The following CNKSR3 variants were observed in gnomAD, a reference collection of about 807,000 sequenced individuals.
CNKSR3 encodes the protein CNKSR family member 3.
In CNKSR3, 36 loss-of-function variants were observed where a neutral mutation model predicts 67.7. The ratio of observed to expected loss-of-function variants is 0.53; its 90% confidence interval spans 0.41 to 0.70. CNKSR3 has a LOEUF of 0.70. Among genes scored for constraint, CNKSR3 ranks in the 30% least tolerant of loss-of-function variants. The pLI is 0.00. For missense variants in CNKSR3, 630 were observed against 695.2 expected, an observed-to-expected ratio of 0.91 and a Z score of 1.05; for synonymous variants, 281 against 271.4, an observed-to-expected ratio of 1.04 and a Z score of -0.35.
chr6:154,446,944 A>G (rs1257420170), intron 2 of CNKSR3, among the ~76,000 whole-genome samples: 1 of 151,882 alleles, frequency 6.6e-6, no homozygotes, highest in Admixed American at 6.6e-5. Context: ...AGCTGGGACT[A>G]CAGGCACCCG....
intron 1 of CNKSR3, among the ~76,000 whole-genome samples, chr6:154,504,180 G>A (rs561313179): frequency 3.6e-4 from 55 of 152,256 alleles, no homozygotes; most frequent in Middle Eastern, 3.4e-3. Context: ...AGGAAATATG[G>A]CTCAAACTAA....
Position 154,439,931 on chromosome 6 carries a change from G to A in CNKSR3, c.507+1361C>T, listed in dbSNP as rs141976703. On this transcript the variant is annotated intron_variant, in intron 4 of 12. Transcript: ENST00000607772. ...AATCAAAATATGAGGAAAATATTAC[G>A]GGAAGAGGGAAGCAAGGGAGAAAAT... Among the ~76,000 whole-genome samples the A allele has an allele frequency of 4.3e-3, 651 of 152,216 alleles. 4 individuals carry two copies. Among genetic ancestry groups the A allele is most frequent in the African/African-American group, 0.015 (612 of 41,536 alleles).
intron 1 of CNKSR3, among the ~76,000 whole-genome samples, chr6:154,505,554 G>A (rs1159835844): frequency 2.7e-5 from 4 of 149,356 alleles, no homozygotes; most frequent in Non-Finnish European, 5.9e-5. Context: ...CTGGAGTGCA[G>A]TGGCACGATC....
At chr6:154,453,887 A>C (rs898733099) in intron 1 of CNKSR3, among the ~76,000 whole-genome samples, 1 of 152,182 alleles carries the variant, frequency 6.6e-6, no homozygotes, top group South Asian at 2.1e-4. Flanking sequence ...AGCAGGACCA[A>C]GAGAAACACA....
chr6:154,481,942 T>C (rs1231981362), intron 1 of CNKSR3, among the ~76,000 whole-genome samples: 1 of 152,196 alleles, frequency 6.6e-6, no homozygotes, highest in African/African-American at 2.4e-5. Flanking sequence ...GTTCTACCAA[T>C]CTGTCATCAA....
chr6:154,430,689 G>A (rs1785347901), intron 5 of CNKSR3, 98 bp from the exon 6 acceptor site: 2 of 1,169,180 alleles, frequency 1.7e-6, no homozygotes, highest in African/African-American at 1.5e-5. Context: ...ATAATTGTTA[G>A]TTCTGGTTGG....
rs1383573044 is a variant in CNKSR3 at position 154,399,991 on chromosome 6, T to A, written c.*6363A>T. On this transcript the variant is annotated 3_prime_UTR_variant, in exon 13 of 13. Coordinates refer to ENST00000607772, the MANE Select transcript of CNKSR3 (RefSeq NM_173515.4). ...TCATTTCTTCACAAACATCTGAATG[T>A]TTATGCTCCAGGCAAGAGGAGAGAA... is the stretch of plus-strand genomic sequence containing the variant. The A allele has an allele frequency of 6.6e-6, 1 of 152,202 alleles. No individual in the cohort carries two copies. The highest frequency in any genetic ancestry group is 1.9e-4 in the East Asian group (1 of 5,190). The allele number at this position is 152,202 out of a possible 1,614,324, so 9.4% of individuals were successfully genotyped here. A position where few individuals can be genotyped will look rare whatever the true frequency, so the allele number is the denominator to read the frequency against.
intron 2 of CNKSR3, among the ~76,000 whole-genome samples, chr6:154,443,876 A>C (rs1785655381): frequency 6.6e-6 from 1 of 152,122 alleles, no homozygotes; most frequent in African/African-American, 2.4e-5. Flanking sequence ...CAATAAAATT[A>C]ATTTCTTGCT....
chr6:154,419,414 C>T (rs762855041), intron 9 of CNKSR3, among the ~76,000 whole-genome samples: 3 of 152,126 alleles, frequency 2.0e-5, no homozygotes, highest in Non-Finnish European at 4.4e-5. Context: ...TTCAGTGTCA[C>T]TAATCATCAG....
At chr6:154,454,104 C>CACACACACACACACACACAGAGAGAG (rs1268729108) in intron 1 of CNKSR3, among the ~76,000 whole-genome samples, 2 of 116,286 alleles carry the variant, frequency 1.7e-5, no homozygotes, top group African/African-American at 3.4e-5. Flanking sequence ...CACACACACA[C>CACACACACACACACACACAGAGAGAG]AGAGAGAGAG....
chr6:154,510,436 C>A lies in CNKSR3; in HGVS notation c.-322G>T. On this transcript the variant is annotated 5_prime_UTR_variant, in exon 1 of 13. Transcript: ENST00000607772. The stretch of plus-strand genomic sequence containing the variant: ...TGCGACCCCAGACCCCTGGCCTCGG[C>A]TCGGCACGGGAGCCTCCCGGCCCGC... The A allele has an allele frequency of 2.4e-6, 1 of 414,884 alleles. No individual in the cohort carries two copies. Among genetic ancestry groups the A allele is most frequent in the African/African-American group, 2.1e-5 (1 of 46,684 alleles). 25.7% of individuals were successfully genotyped at this position (414,884 alleles called of 1,614,324 possible).
chr6:154,391,569 G>A lies in CNKSR3; in HGVS notation c.*14785C>T, dbSNP rs1173714653. The A allele has an allele frequency of 6.6e-6, 1 of 152,244 alleles. No individual in the cohort carries two copies. Among genetic ancestry groups the A allele is most frequent in the Non-Finnish European group, 1.5e-5 (1 of 68,062 alleles). 9.4% of individuals were successfully genotyped at this position (152,244 alleles called of 1,614,324 possible). ...TTTAAAGACCGAATCTCCAAATACA[G>A]TTACATTCTGAGGTACTGGGGTTAG... is the stretch of plus-strand genomic sequence containing the variant. On this transcript the variant is annotated 3_prime_UTR_variant, in exon 13 of 13. Coordinates refer to ENST00000607772, the MANE Select transcript of CNKSR3 (RefSeq NM_173515.4).
chr6:154,410,944 T>C lies in CNKSR3; in HGVS notation c.1269A>G (p.Thr423=). 1 of 1,611,228 alleles carries C rather than the reference T, an allele frequency of 6.2e-7. No individual in the cohort carries two copies. Residue 423 remains threonine, a synonymous_variant, in exon 11 of 13, where the codon ACA becomes ACG. Transcript: ENST00000607772. ...ACACTTGAAACTTACCATAAGATGG[T>C]GTTTTCTCTCTCATTTTTGTGGGCA... The part of the protein sequence containing the change: ...NILPTKMREK[T]PSYGKPRPLS...
At chr6:154,440,833 G>A (rs1785566133) in intron 4 of CNKSR3, among the ~76,000 whole-genome samples, 1 of 152,160 alleles carries the variant, frequency 6.6e-6, no homozygotes, top group Non-Finnish European at 1.5e-5. Flanking sequence ...TAAGGTTTGA[G>A]GTTTGGGGGT....
intron 1 of CNKSR3, among the ~76,000 whole-genome samples, chr6:154,497,104 G>A (rs1236018496): frequency 2.6e-5 from 4 of 152,080 alleles, no homozygotes; most frequent in African/African-American, 4.8e-5. Context: ...AAGGCCAGGC[G>A]CGGTGGCTCA....
intron 1 of CNKSR3, among the ~76,000 whole-genome samples, chr6:154,480,455 C>T (rs1158854434): frequency 6.6e-6 from 1 of 152,276 alleles, no homozygotes; most frequent in African/African-American, 2.4e-5. Flanking sequence ...GTGTGACTTC[C>T]GCAGGCAGGC....
intron 1 of CNKSR3, among the ~76,000 whole-genome samples, chr6:154,489,212 G>A (rs1786734257): frequency 2.0e-5 from 3 of 152,144 alleles, no homozygotes; most frequent in South Asian, 4.2e-4. Flanking sequence ...CTCACTGTAT[G>A]TATTTTCAAG....
In CNKSR3 at chr6:154,394,628, AAAAAAAAG is replaced by A. The variant is rs1784640305; in HGVS notation, c.*11718_*11725del. The stretch of plus-strand genomic sequence containing the variant: ...AATACAAGAAGTAAAAAAAAAAAAA[AAAAAAAAG>A]AAGAATTCCAAAGGAAACAGAAGAA... On this transcript the variant is annotated 3_prime_UTR_variant, in exon 13 of 13. Transcript: ENST00000607772. The A allele has an allele frequency of 6.6e-6, 1 of 151,778 alleles. No individual in the cohort carries two copies. The highest frequency in any genetic ancestry group is 2.1e-4 in the South Asian group (1 of 4,820). The allele number at this position is 151,778 out of a possible 1,614,324, so 9.4% of individuals were successfully genotyped here.
chr6:154,501,995 ACAAT>A (rs1463742599), intron 1 of CNKSR3, among the ~76,000 whole-genome samples: 1 of 152,216 alleles, frequency 6.6e-6, no homozygotes, highest in Non-Finnish European at 1.5e-5. Context: ...ATGAAGGGTG[ACAAT>A]CAGCCACAAC....
Sources: allele counts gnomAD v4.1 joint callset (sites outside exome capture counted in the v4.1 genomes callset), GRCh38; gene constraint gnomAD v4.1.1; transcripts MANE v1.5; gene names NCBI Gene and HGNC (gene_info 2026-07-23, HGNC 2026-07-21).